The following SETBP1 variants were observed in gnomAD, a reference collection of about 807,000 sequenced individuals.
SETBP1 encodes the protein SET-binding protein.
SETBP1 carries 9 observed loss-of-function variants against 101.0 expected under a neutral mutation model. That is an observed-to-expected ratio of 0.09 (90% CI 0.05 to 0.16). The LOEUF is 0.16. SETBP1 is among the 10% of genes least tolerant of loss of function. The pLI is 1.00. For synonymous variants in SETBP1, 818 were observed against 788.5 expected (o/e 1.04, Z -0.63); for missense variants, 1,858 against 2,033.8 (o/e 0.91, Z 1.66).
intron 2 of SETBP1, among the ~76,000 whole-genome samples, chr18:44,836,119 CT>C (rs34638058): frequency 2.6e-4 from 38 of 147,300 alleles, no homozygotes; most frequent in Admixed American, 4.0e-4. Flanking sequence ...TCTCTATAAG[CT>C]TTTTTTTTTT....
rs570894335 is a variant in SETBP1 at position 44,763,747 on chromosome 18, T to C, written c.486+61915T>C. Among the ~76,000 whole-genome samples, 5 of 152,332 alleles carry C rather than the reference T, an allele frequency of 3.3e-5. No homozygotes were observed. The East Asian group carries it at 9.6e-4, about 29-fold the overall frequency. On this transcript the variant is annotated intron_variant, in intron 2 of 5. Coordinates refer to ENST00000649279, the MANE Select transcript of SETBP1 (RefSeq NM_015559.3). Reference sequence around the variant, plus strand: ...TGACCTCACAGTCTCATTTGACATATTAATCCTTTCCTCCTTTTTAAAATA... The same window carrying C: ...TGACCTCACAGTCTCATTTGACATACTAATCCTTTCCTCCTTTTTAAAATA...
intron 3 of SETBP1, among the ~76,000 whole-genome samples, chr18:44,910,252 A>G (rs1180480062): frequency 6.6e-6 from 1 of 152,158 alleles, no homozygotes; most frequent in East Asian, 1.9e-4. Context: ...CTGCTGTTCT[A>G]TAATAATAGG....
chr18:44,757,034 C>CT (rs781707607), intron 2 of SETBP1, among the ~76,000 whole-genome samples: 113 of 151,518 alleles, frequency 7.5e-4, no homozygotes, highest in South Asian at 1.3e-3. Flanking sequence ...ATTTTAAATT[C>CT]TTTTTTTTTG....
intron 2 of SETBP1, among the ~76,000 whole-genome samples, chr18:44,704,263 C>T (rs2069172888): frequency 6.6e-6 from 1 of 152,154 alleles, no homozygotes; most frequent in Admixed American, 6.5e-5. Context: ...TCATTTTCAC[C>T]CAAGAAGCTG....
At chr18:45,047,449 T>C (rs1343234391) in intron 5 of SETBP1, among the ~76,000 whole-genome samples, 1 of 152,220 alleles carries the variant, frequency 6.6e-6, no homozygotes, top group Non-Finnish European at 1.5e-5. Context: ...CACTGGCGCT[T>C]TCCATTTCTA....
chr18:44,721,913 T>C (rs1051837181), intron 2 of SETBP1, among the ~76,000 whole-genome samples: 11 of 152,206 alleles, frequency 7.2e-5, no homozygotes, highest in African/African-American at 2.7e-4. Context: ...GCAAAATTGT[T>C]CCTTGTTTGT....
At chr18:44,768,825 C>A (rs909305143) in intron 2 of SETBP1, among the ~76,000 whole-genome samples, 6 of 152,210 alleles carry the variant, frequency 3.9e-5, no homozygotes, top group Admixed American at 3.9e-4. Flanking sequence ...CTCCTGGAAA[C>A]CCTCATAAGA....
At chr18:44,681,953 T>TC (rs2068766806) in intron 1 of SETBP1, among the ~76,000 whole-genome samples, 2 of 151,904 alleles carry the variant, frequency 1.3e-5, no homozygotes, top group South Asian at 4.2e-4. Context: ...GCCCCTACAC[T>TC]CCCCCCACCT....
At chr18:44,970,892 G>T (rs1316201650) in intron 4 of SETBP1, among the ~76,000 whole-genome samples, 1 of 151,776 alleles carries the variant, frequency 6.6e-6, no homozygotes, top group African/African-American at 2.4e-5. Flanking sequence ...TATACTTTAA[G>T]TATTAGGGTA....
At chr18:44,680,169 C>T (rs1406777136), upstream of SETBP1, 1 of 142,092 alleles carries the variant, frequency 7.0e-6, no homozygotes, top group Non-Finnish European at 1.6e-5. Flanking sequence ...CAGAGTCGGG[C>T]GGGAAGCGCG....
At chr18:44,702,278 G>A (rs967314662) in intron 2 of SETBP1, among the ~76,000 whole-genome samples, 9 of 152,190 alleles carry the variant, frequency 5.9e-5, no homozygotes, top group Non-Finnish European at 7.3e-5. Context: ...TGTTATCTCA[G>A]GGGTGGCAGA....
intron 5 of SETBP1, among the ~76,000 whole-genome samples, chr18:45,042,305 A>T (rs955303026): frequency 2.0e-5 from 3 of 152,096 alleles, no homozygotes; most frequent in Non-Finnish European, 4.4e-5. Context: ...ACATGCCACC[A>T]TGCCCAACTA....
At chr18:44,836,069 T>A (rs1307934836) in intron 2 of SETBP1, among the ~76,000 whole-genome samples, 1 of 152,074 alleles carries the variant, frequency 6.6e-6, no homozygotes, top group Non-Finnish European at 1.5e-5. Flanking sequence ...AACGATACTT[T>A]GAACTTTTCA....
At chr18:44,871,481 G>A (rs1351263630) in intron 3 of SETBP1, 1 of 152,184 alleles carries the variant, frequency 6.6e-6, no homozygotes, top group Non-Finnish European at 1.5e-5. Flanking sequence ...ATAACTATCT[G>A]TCCTCTCAGC....
chr18:44,701,268 G>T lies in SETBP1; in HGVS notation c.-79G>T. 7.0e-7 allele frequency: 1 copy of T among 1,432,914 alleles called. No individual in the cohort carries two copies. The highest frequency in any genetic ancestry group is 9.2e-7 in the Non-Finnish European group (1 of 1,085,960). The allele number at this position is 1,432,914 out of a possible 1,614,324, so 88.8% of individuals were successfully genotyped here. On this transcript the variant is annotated 5_prime_UTR_variant, in exon 2 of 6. Coordinates refer to ENST00000649279, the MANE Select transcript of SETBP1 (RefSeq NM_015559.3). The stretch of plus-strand genomic sequence containing the variant: ...GACCACTTTGTTCTTGGAATTTTGG[G>T]TGTCCTCTTTTCTCACCTTTCCCTT...
At chr18:44,923,701 T>C (rs192092958) in intron 3 of SETBP1, among the ~76,000 whole-genome samples, 3 of 152,342 alleles carry the variant, frequency 2.0e-5, no homozygotes, top group Admixed American at 2.0e-4. Flanking sequence ...CTTGATACAC[T>C]TTGCTTCTCT....
chr18:44,930,637 A>G (rs1335573047), intron 3 of SETBP1, among the ~76,000 whole-genome samples: 3 of 152,072 alleles, frequency 2.0e-5, no homozygotes, highest in Admixed American at 2.0e-4. Context: ...CTATTCAGGG[A>G]TTCAACTTCT....
At chr18:44,732,245 A>C (rs2069853189) in intron 2 of SETBP1, among the ~76,000 whole-genome samples, 1 of 152,230 alleles carries the variant, frequency 6.6e-6, no homozygotes, top group South Asian at 2.1e-4. Flanking sequence ...TAAATATGAT[A>C]TTCTTGGAAT....
intron 2 of SETBP1, among the ~76,000 whole-genome samples, chr18:44,726,404 C>A (rs552537924): frequency 6.6e-6 from 1 of 152,186 alleles, no homozygotes; most frequent in Non-Finnish European, 1.5e-5. Context: ...AAGCCTACTA[C>A]CTGCAAATGT....
Sources: gnomAD v4.1 joint callset for allele counts (sites outside exome capture counted in the v4.1 genomes callset) on GRCh38, gnomAD v4.1.1 for gene constraint, MANE v1.5 for transcripts, NCBI Gene and HGNC (gene_info 2026-07-23, HGNC 2026-07-21) for gene names.